The following ANKRD26 variants were observed in gnomAD, a reference collection of about 807,000 sequenced individuals.
ANKRD26 encodes ankyrin repeat domain-containing protein 26.
ANKRD26 carries 141 observed loss-of-function variants against 208.7 expected under a neutral mutation model. The observed-to-expected ratio is 0.68, with a 90% confidence interval of 0.59 to 0.78. ANKRD26 has a LOEUF of 0.78. ANKRD26 is among the 30% of genes least tolerant of loss of function. The pLI is 0.00. For missense variants in ANKRD26, 1,889 were observed against 1,938.7 expected (o/e 0.97, Z 0.48); for synonymous variants, 636 against 660.4 (o/e 0.96, Z 0.57).
chr10:27,079,845 A>G (rs1180608789), intron 6 of ANKRD26, among the ~76,000 whole-genome samples: 1 of 148,568 alleles, frequency 6.7e-6, no homozygotes, highest in South Asian at 2.2e-4. Context: ...ACAGCAAGAC[A>G]CTGTCTCAAA....
chr10:27,082,049 T>TAAAA (rs994610726), intron 6 of ANKRD26, among the ~76,000 whole-genome samples: 7 of 67,642 alleles, frequency 1.0e-4, no homozygotes, highest in Admixed American at 1.6e-4. Flanking sequence ...TGCAGTTATT[T>TAAAA]AAAAAAAAAA....
At position 27,005,576 on chromosome 10, in the gene ANKRD26, T is replaced by C. The variant is rs1194793363; in HGVS notation, c.*14A>G. ...AAATGTCACATAAACAGCCCAGTAATAAAATCTTATCTTTCAGATCATATA... is the reference window on the plus strand; with the variant it reads ...AAATGTCACATAAACAGCCCAGTAACAAAATCTTATCTTTCAGATCATATA... On this transcript the variant is annotated 3_prime_UTR_variant, in exon 34 of 34. Coordinates refer to ENST00000376087, the MANE Select transcript of ANKRD26 (RefSeq NM_014915.3). 2.5e-6 allele frequency: 4 copies of C among 1,604,926 alleles called. No homozygotes were observed. The highest frequency in any genetic ancestry group is 2.2e-5 in the South Asian group (2 of 90,322).
intron 9 of ANKRD26, among the ~76,000 whole-genome samples, chr10:27,068,486 A>G (rs553693277): frequency 6.6e-6 from 1 of 152,342 alleles, no homozygotes; most frequent in Admixed American, 6.5e-5. Context: ...GGAATGTAAA[A>G]GGTTTCTAGA....
intron 15 of ANKRD26, among the ~76,000 whole-genome samples, chr10:27,058,582 A>ATTT (rs572964203): frequency 0.057 from 8,234 of 144,786 alleles, 320 homozygotes; most frequent in African/African-American, 0.12. Context: ...CTCCACCATG[A>ATTT]TTTTTTTTTT....
chr10:27,074,486 C>T (rs576645673), intron 9 of ANKRD26, among the ~76,000 whole-genome samples: 3 of 152,006 alleles, frequency 2.0e-5, no homozygotes, highest in South Asian at 4.2e-4. Context: ...TTTGAGACCA[C>T]CCTGGCCAAC....
exon 6 of ANKRD26, among the ~76,000 whole-genome samples, chr10:26,975,899 C>T (rs1017774522): frequency 2.0e-5 from 3 of 151,390 alleles, no homozygotes; most frequent in African/African-American, 7.3e-5. Context: ...GACAACTTAC[C>T]ACAAGGGTTG....
chr10:27,001,025 C>A (rs2052712014), downstream of ANKRD26, among the ~76,000 whole-genome samples: 1 of 152,114 alleles, frequency 6.6e-6, no homozygotes, highest in Non-Finnish European at 1.5e-5. Flanking sequence ...AACAAACAAA[C>A]AAACAAAAGA....
intron 20 of ANKRD26, among the ~76,000 whole-genome samples, chr10:27,041,385 C>T (rs2054234696): frequency 6.6e-6 from 1 of 152,148 alleles, no homozygotes; most frequent in Non-Finnish European, 1.5e-5. Context: ...CTGCCTGGTG[C>T]TTCCACAGCA....
intron 22 of ANKRD26, 83 bp downstream of exon 22, chr10:27,037,788 T>C: frequency 8.8e-7 from 1 of 1,134,566 alleles, no homozygotes; most frequent in Non-Finnish European, 1.3e-6. Context: ...TAAACCTAGA[T>C]AACATATATT....
intron 21 of ANKRD26, 79 bp downstream of exon 21, chr10:27,039,886 G>C (rs1255933628): frequency 3.7e-6 from 5 of 1,366,520 alleles, no homozygotes; most frequent in African/African-American, 2.9e-5. Flanking sequence ...AGCCCCAGAA[G>C]ATAAGTCAGC....
chr10:26,987,883 TCACA>T (rs1003462477), downstream of ANKRD26, among the ~76,000 whole-genome samples: 1 of 152,172 alleles, frequency 6.6e-6, no homozygotes, highest in Non-Finnish European at 1.5e-5. Flanking sequence ...GATACAGCTC[TCACA>T]CAGTGAGGTA....
At chr10:27,095,396 A>C (rs2056435316) in intron 1 of ANKRD26, among the ~76,000 whole-genome samples, 1 of 152,226 alleles carries the variant, frequency 6.6e-6, no homozygotes, top group South Asian at 2.1e-4. Context: ...GGTTGGGTGC[A>C]GTGGCTCACG....
At chr10:27,002,704 G>C (rs1041302171), downstream of ANKRD26, among the ~76,000 whole-genome samples, 5 of 152,178 alleles carry the variant, frequency 3.3e-5, no homozygotes, top group Admixed American at 6.5e-5. Flanking sequence ...CAAATGCTGT[G>C]GTACACAATT....
the ANKRD26 span, among the ~76,000 whole-genome samples, chr10:26,951,300 C>T: frequency 6.6e-6 from 1 of 152,048 alleles, no homozygotes; most frequent in Non-Finnish European, 1.5e-5. Flanking sequence ...TAATCACTCA[C>T]AGTTGAACTG....
chr10:27,040,272 A>C, intron 20 of ANKRD26, 94 bp from the exon 21 acceptor site: 1 of 908,606 alleles, frequency 1.1e-6, no homozygotes. Context: ...ACACTGACCA[A>C]TTACATATTG....
chr10:27,025,902 A>G (rs2053643236), intron 27 of ANKRD26, among the ~76,000 whole-genome samples: 1 of 152,146 alleles, frequency 6.6e-6, no homozygotes. Context: ...CTTGGTGCAG[A>G]TTCCTTTTGT....
rs778966587 is a variant in ANKRD26 at position 27,024,493 on chromosome 10, C to G, written c.4039G>C (p.Asp1347His). 4 of 1,583,282 alleles carry G rather than the reference C, an allele frequency of 2.5e-6. No homozygotes were observed. Among genetic ancestry groups the G allele is most frequent in the East Asian group, 2.3e-5 (1 of 44,386 alleles). ...TCAACATTTTTCTTCATTTCTTGAT[C>G]CAAATTACATTCCAGTGACTGTTTT... ...ELKQSLECNLDQEMKKNVELE... is the reference protein window; with the variant it reads ...ELKQSLECNLHQEMKKNVELE... Residue 1347 changes from aspartate (D) to histidine (H), a missense_variant, in exon 28 of 34, where the codon GAT becomes CAT. By Grantham distance (81) the Asp-to-His change is moderately conservative. Around this residue, in one of 3 missense-constraint regions of ANKRD26, gnomAD observed 613 missense variants for 648.2 expected, o/e 0.95. Transcript: ENST00000376087.
intron 29 of ANKRD26, among the ~76,000 whole-genome samples, chr10:27,022,059 A>C (rs1378685554): frequency 6.6e-6 from 1 of 152,098 alleles, no homozygotes; most frequent in Non-Finnish European, 1.5e-5. Context: ...GATTCTATCA[A>C]TTTTTGCTTT....
chr10:26,997,687 T>C (rs1177934726), intron 4 of ANKRD26, among the ~76,000 whole-genome samples: 1 of 152,212 alleles, frequency 6.6e-6, no homozygotes, highest in Non-Finnish European at 1.5e-5. Flanking sequence ...AAATCCCTCG[T>C]GGCCTTTGGA....
Sources: gnomAD v4.1 joint callset for allele counts (sites outside exome capture counted in the v4.1 genomes callset) on GRCh38, gnomAD v4.1.1 for gene constraint, gnomAD v4.1.1 regional missense constraint, MANE v1.5 for transcripts, NCBI Gene and HGNC (gene_info 2026-07-23, HGNC 2026-07-21) for gene names.